Variants in RECK observed in about 807,000 individuals in gnomAD.
RECK encodes reversion-inducing cysteine-rich protein with Kazal motifs.
A neutral mutation model predicts 115.1 loss-of-function variants in RECK; 69 were observed. That is an observed-to-expected ratio of 0.60 (90% CI 0.49 to 0.73). The LOEUF (loss-of-function observed/expected upper bound fraction) is 0.73, where lower values mean the gene tolerates loss of function less well. RECK is among the 30% of genes least tolerant of loss of function. The pLI, the probability that RECK is intolerant of heterozygous loss-of-function variation, is 0.00. For synonymous variants in RECK, 414 were observed against 419.7 expected (o/e 0.99, Z 0.17); for missense variants, 1,047 against 1,203.7 (o/e 0.87, Z 1.93).
At chr9:36,080,564 GGTT>G in intron 6 of RECK, 38 bp from the exon 7 acceptor site, 1 of 1,501,500 alleles carries the variant, frequency 6.7e-7, no homozygotes. Context: ...AATTCTCTCT[GGTT>G]GTTAATTTCT....
At chr9:36,115,144 A>G (rs1458941745) in intron 16 of RECK, among the ~76,000 whole-genome samples, 1 of 151,934 alleles carries the variant, frequency 6.6e-6, no homozygotes, top group Non-Finnish European at 1.5e-5. Context: ...GTGAAATCCC[A>G]TCTCTACTAA....
rs1821490017 is a variant in RECK at position 36,055,540 on chromosome 9, T to C, written c.159+3217T>C. On this transcript the variant is annotated intron_variant, in intron 2 of 20. Coordinates refer to ENST00000377966, the MANE Select transcript of RECK (RefSeq NM_021111.3). ...TACACCCAGCCCTTGAAAAAGGTAT[T>C]GTCATTATTTGTATATTATAGGTAA... 2.0e-5 allele frequency among the ~76,000 whole-genome samples: 3 copies of C among 152,174 alleles called. No homozygotes were observed. In the South Asian group the frequency reaches 6.2e-4, roughly 31 times the overall value.
At chr9:36,043,010 CTTTTTTT>C (rs61673918) in intron 1 of RECK, among the ~76,000 whole-genome samples, 384 of 59,306 alleles carry the variant, frequency 6.5e-3, no homozygotes, top group Non-Finnish European at 0.01. Context: ...CCTTAGCCCA[CTTTTTTT>C]TTTTTTTTTT....
chr9:36,106,522 G>T (rs1823825520), intron 13 of RECK, among the ~76,000 whole-genome samples: 1 of 151,704 alleles, frequency 6.6e-6, no homozygotes, highest in African/African-American at 2.4e-5. Context: ...ACAGGTGTGA[G>T]CCACTGCGCC....
chr9:36,067,564 CTAAGA>C (rs1044067304), intron 6 of RECK, among the ~76,000 whole-genome samples: 6 of 152,064 alleles, frequency 3.9e-5, no homozygotes, highest in African/African-American at 1.4e-4. Flanking sequence ...TCTAGCCAAC[CTAAGA>C]TAAACCAGTT....
chr9:36,105,903 TA>T (rs961773910), intron 13 of RECK, among the ~76,000 whole-genome samples: 12 of 152,172 alleles, frequency 7.9e-5, no homozygotes, highest in Admixed American at 5.9e-4. Flanking sequence ...AATGTTTCTT[TA>T]TCATGTTAGA....
At chr9:36,042,357 C>T (rs973722339) in intron 1 of RECK, among the ~76,000 whole-genome samples, 1 of 151,768 alleles carries the variant, frequency 6.6e-6, no homozygotes. Context: ...TAATGGTCTC[C>T]AACTTCATAC....
chr9:36,122,751 G>A (rs1464474833), intron 20 of RECK, 73 bp from the exon 21 acceptor site: 27 of 1,222,492 alleles, frequency 2.2e-5, no homozygotes, highest in Middle Eastern at 1.9e-4. Context: ...TAGGATATAC[G>A]TGGAATTTGT....
At chr9:36,076,690 C>T (rs1392237155) in intron 6 of RECK, among the ~76,000 whole-genome samples, 1 of 152,032 alleles carries the variant, frequency 6.6e-6, no homozygotes, top group Non-Finnish European at 1.5e-5. Context: ...GAGCAGCTAC[C>T]AGAGGAAAGA....
intron 6 of RECK, among the ~76,000 whole-genome samples, chr9:36,071,261 T>A (rs1822219035): frequency 6.6e-6 from 1 of 152,144 alleles, no homozygotes; most frequent in Admixed American, 6.5e-5. Flanking sequence ...ATTTAAAAAA[T>A]TTTTTGGTTG....
At chr9:36,119,907 A>G (rs530183742) in intron 18 of RECK, among the ~76,000 whole-genome samples, 3 of 152,340 alleles carry the variant, frequency 2.0e-5, no homozygotes, top group African/African-American at 7.2e-5. Context: ...ATATTCTGTT[A>G]TGGGTTTTAG....
chr9:36,079,638 C>T (rs1822600464), intron 6 of RECK, among the ~76,000 whole-genome samples: 1 of 152,184 alleles, frequency 6.6e-6, no homozygotes, highest in Non-Finnish European at 1.5e-5. Context: ...ATCCCCATCA[C>T]CTAGCCAGCT....
intron 4 of RECK, among the ~76,000 whole-genome samples, chr9:36,060,773 G>C (rs1821725331): frequency 6.6e-6 from 1 of 151,978 alleles, no homozygotes; most frequent in South Asian, 2.1e-4. Context: ...TAACTAATCA[G>C]CTCTGAGAAG....
At chr9:36,103,451 C>T (rs1823641154) in intron 12 of RECK, among the ~76,000 whole-genome samples, 1 of 152,112 alleles carries the variant, frequency 6.6e-6, no homozygotes. Context: ...GAGTTCTAAC[C>T]ACCATAATCT....
At chr9:36,058,949 C>A in intron 3 of RECK, 48 bp downstream of exon 3, 3 of 1,259,858 alleles carry the variant, frequency 2.4e-6, no homozygotes, top group Non-Finnish European at 3.2e-6. Flanking sequence ...CTAAATGAAA[C>A]TATCCAATGA....
intron 8 of RECK, 47 bp downstream of exon 8, chr9:36,083,609 C>A (rs1327696763): frequency 3.2e-6 from 5 of 1,567,634 alleles, no homozygotes; most frequent in South Asian, 1.2e-5. Context: ...TTGGTAAAAT[C>A]GTTTGTAAAA....
intron 1 of RECK, among the ~76,000 whole-genome samples, chr9:36,037,975 C>T (rs564225872): frequency 1.4e-5 from 2 of 141,632 alleles, no homozygotes; most frequent in Admixed American, 1.5e-4. Flanking sequence ...AAGTGCATTG[C>T]TTACAGGGAG....
At chr9:36,079,584 C>A (rs1822597912) in intron 6 of RECK, among the ~76,000 whole-genome samples, 1 of 152,178 alleles carries the variant, frequency 6.6e-6, no homozygotes, top group Non-Finnish European at 1.5e-5. Context: ...ATAGAGGGAT[C>A]TTTGAAGCTA....
At chr9:36,092,542 A>ATTTTTTTTTTTTT (rs71508011) in intron 10 of RECK, among the ~76,000 whole-genome samples, 2 of 117,048 alleles carry the variant, frequency 1.7e-5, no homozygotes, top group Admixed American at 9.5e-5. Flanking sequence ...CACCCAGCTA[A>ATTTTTTTTTTTTT]TTTTTTTTTT....
Sources: allele counts gnomAD v4.1 joint callset (sites outside exome capture counted in the v4.1 genomes callset), GRCh38; gene constraint gnomAD v4.1.1; transcripts MANE v1.5; gene names NCBI Gene and HGNC (gene_info 2026-07-23, HGNC 2026-07-21).